Variants in NEDD4 observed in about 807,000 individuals in gnomAD.
NEDD4 encodes NEDD4 E3 ubiquitin protein ligase.
In NEDD4, 99 loss-of-function variants were observed where a neutral mutation model predicts 144.9. The ratio of observed to expected loss-of-function variants is 0.68; its 90% CI spans 0.58 to 0.81. The LOEUF (loss-of-function observed/expected upper bound fraction) is 0.81, where lower values mean the gene tolerates loss of function less well. NEDD4 is among the 30% of genes least tolerant of loss of function. The probability of loss-of-function intolerance (pLI) is 0.00; values close to 1 mark genes in which losing one functional copy is unlikely to be tolerated. For synonymous variants in NEDD4, 318 were observed against 350.6 expected (o/e 0.91, Z 1.04); for missense variants, 985 against 1,065.9 (o/e 0.92, Z 1.06).
At chr15:55,964,593 A>G (rs1347037301) in intron 2 of NEDD4, among the ~76,000 whole-genome samples, 1 of 151,052 alleles carries the variant, frequency 6.6e-6, no homozygotes, top group Non-Finnish European at 1.5e-5. Flanking sequence ...GTAATTTTGC[A>G]TTATATCCTG....
intron 5 of NEDD4, among the ~76,000 whole-genome samples, chr15:55,891,481 C>G (rs1595805133): frequency 1.3e-5 from 2 of 152,170 alleles, no homozygotes; most frequent in African/African-American, 4.8e-5. Flanking sequence ...CCTAGCCAAC[C>G]AATTGTTCCA....
intron 24 of NEDD4, among the ~76,000 whole-genome samples, chr15:55,835,368 C>G (rs1566897007): frequency 1.3e-5 from 2 of 149,556 alleles, no homozygotes; most frequent in African/African-American, 2.5e-5. Flanking sequence ...CTCTTGATAC[C>G]TTTTTGTCTG....
At chr15:55,991,531 T>C (rs2037988511) in intron 1 of NEDD4, among the ~76,000 whole-genome samples, 1 of 152,204 alleles carries the variant, frequency 6.6e-6, no homozygotes, top group Non-Finnish European at 1.5e-5. Context: ...AATAATCCAA[T>C]TACAATGGAA....
intron 18 of NEDD4, among the ~76,000 whole-genome samples, chr15:55,842,590 C>T (rs1319377640): frequency 6.6e-6 from 1 of 152,130 alleles, no homozygotes; most frequent in African/African-American, 2.4e-5. Context: ...CTTGCCCAGG[C>T]TGGTCTCAAA....
intron 12 of NEDD4, among the ~76,000 whole-genome samples, chr15:55,854,850 T>A (rs2034129576): frequency 6.6e-6 from 1 of 152,118 alleles, no homozygotes; most frequent in South Asian, 2.1e-4. Flanking sequence ...AAAATATAAA[T>A]CATCTCGAGA....
chr15:55,903,474 G>A (rs1447046316), intron 5 of NEDD4, among the ~76,000 whole-genome samples: 1 of 152,044 alleles, frequency 6.6e-6, no homozygotes, highest in Non-Finnish European at 1.5e-5. Flanking sequence ...CCTAAAATGT[G>A]GCACATGAAG....
intron 2 of NEDD4, among the ~76,000 whole-genome samples, chr15:55,961,824 A>G (rs1321932301): frequency 2.0e-5 from 3 of 152,184 alleles, no homozygotes; most frequent in African/African-American, 7.2e-5. Flanking sequence ...TGTGTGGTCT[A>G]TGCTAGTGAA....
chr15:55,882,285 C>G (rs2035220964), intron 5 of NEDD4, among the ~76,000 whole-genome samples: 1 of 152,198 alleles, frequency 6.6e-6, no homozygotes, highest in African/African-American at 2.4e-5. Flanking sequence ...GTAGGAAAGA[C>G]AGTCTTCAGT....
chr15:55,932,417 G>C (rs1316261178), intron 4 of NEDD4, among the ~76,000 whole-genome samples: 3 of 152,176 alleles, frequency 2.0e-5, no homozygotes, highest in Non-Finnish European at 2.9e-5. Context: ...AAGAAACGGG[G>C]AAAGGATTCC....
intron 4 of NEDD4, among the ~76,000 whole-genome samples, chr15:55,940,518 T>TTCTCTCTC (rs60338644): frequency 8.5e-5 from 9 of 106,290 alleles, no homozygotes; most frequent in South Asian, 3.3e-4. Flanking sequence ...CTCCTCCCCC[T>TTCTCTCTC]TCTCTCTCTC....
In NEDD4 at chr15:55,993,603, A is replaced by G; in HGVS notation, c.-48T>C. Reference sequence around the variant, plus strand: ...GGACGCGCTCGCCCCCGCCCAGGGCAGGCAACTGTGGAGGAGGAGGAGGAG... The same window carrying G: ...GGACGCGCTCGCCCCCGCCCAGGGCGGGCAACTGTGGAGGAGGAGGAGGAG... On this transcript the variant is annotated 5_prime_UTR_variant, in exon 1 of 29. Coordinates refer to ENST00000435532, the MANE Select transcript of NEDD4 (RefSeq NM_006154.4). The G allele has an allele frequency of 6.3e-7, 1 of 1,582,072 alleles. No homozygotes were observed. The highest frequency in any genetic ancestry group is 8.6e-7 in the Non-Finnish European group (1 of 1,167,632).
intron 4 of NEDD4, among the ~76,000 whole-genome samples, chr15:55,943,561 G>A (rs1191503537): frequency 2.6e-5 from 4 of 152,334 alleles, no homozygotes; most frequent in South Asian, 4.1e-4. Flanking sequence ...ATGGTTTTAA[G>A]CCTGCAGGTG....
At position 55,837,847 on chromosome 15, in the gene NEDD4, A is replaced by C. The variant is rs761247525; in HGVS notation, c.2204T>G (p.Leu735Arg). ...GTTTACAAATCGCCATTGTATTACA[A>C]GACTAAAAAGAAACAACATTTCATT... ...TNKNKKEYIY[L>R]VIQWRFVNRI... The change falls in exon 24 of 29, where the codon CTT (leucine) becomes CGT (arginine). Residue 735 changes from leucine to arginine, a missense_variant and splice_region_variant. By Grantham distance (102) the Leu-to-Arg change is moderately radical. Coordinates refer to ENST00000435532, the MANE Select transcript of NEDD4 (RefSeq NM_006154.4). 6.2e-7 allele frequency: 1 copy of C among 1,607,682 alleles called. No individual in the cohort carries two copies. Among genetic ancestry groups the C allele is most frequent in the South Asian group, 1.1e-5 (1 of 90,370 alleles).
rs141699267 is a variant in NEDD4, at chr15:55,877,337, C to G, written c.292-3329G>C. Among the ~76,000 whole-genome samples the G allele has an allele frequency of 1.1e-4, 17 of 152,302 alleles. 1 individual carries two copies. The highest frequency in any genetic ancestry group is 3.8e-4 in the African/African-American group (16 of 41,572). ...TGAGCAGTACTGACTAGTCATAGAA[C>G]ATCCTTCTAATATTTCTTCATGGTT... On this transcript the variant is annotated intron_variant, in intron 5 of 28. Transcript: ENST00000435532.
chr15:55,904,487 G>A (rs1166609423), intron 5 of NEDD4, among the ~76,000 whole-genome samples: 1 of 151,956 alleles, frequency 6.6e-6, no homozygotes. Flanking sequence ...GTTTTCAGTA[G>A]AGACGAGGTT....
At chr15:55,961,582 T>C (rs1355212078) in intron 2 of NEDD4, among the ~76,000 whole-genome samples, 1 of 152,092 alleles carries the variant, frequency 6.6e-6, no homozygotes, top group East Asian at 1.9e-4. Flanking sequence ...ATCATTCTCC[T>C]GCCTCAGCCT....
At chr15:55,943,899 G>C (rs1223989343) in intron 4 of NEDD4, among the ~76,000 whole-genome samples, 2 of 152,252 alleles carry the variant, frequency 1.3e-5, no homozygotes, top group Non-Finnish European at 2.9e-5. Context: ...ATTGTACCTT[G>C]CAGAGACACA....
chr15:55,968,059 C>T (rs1278738590), intron 1 of NEDD4, among the ~76,000 whole-genome samples: 1 of 152,036 alleles, frequency 6.6e-6, no homozygotes, highest in African/African-American at 2.4e-5. Context: ...TGGAGAAATC[C>T]ACTATGTTTA....
At chr15:55,904,063 G>A (rs1249385669) in intron 5 of NEDD4, among the ~76,000 whole-genome samples, 1 of 151,928 alleles carries the variant, frequency 6.6e-6, no homozygotes, top group Admixed American at 6.6e-5. Flanking sequence ...TTCGGAGGCT[G>A]GGGCAGGAGA....
Sources: allele counts gnomAD v4.1 joint callset (sites outside exome capture counted in the v4.1 genomes callset), GRCh38; gene constraint gnomAD v4.1.1; transcripts MANE v1.5; gene names NCBI Gene and HGNC (gene_info 2026-07-23, HGNC 2026-07-21).